GRID1: variants seen among roughly 807,000 people sequenced by gnomAD.
GRID1 encodes the protein glutamate ionotropic receptor delta type subunit 1.
A neutral mutation model predicts 98.0 loss-of-function variants in GRID1; 28 were observed. The observed-to-expected ratio is 0.29, with a 90% CI of 0.21 to 0.39. GRID1 has a LOEUF of 0.39. Ranked by LOEUF, GRID1 falls within the 10% of genes least tolerant of loss-of-function variation. The pLI, the probability that GRID1 is intolerant of heterozygous loss-of-function variation, is 1.00. For missense variants in GRID1, 1,111 were observed against 1,340.5 expected (o/e 0.83, Z 2.67); for synonymous variants, 553 against 538.5 (o/e 1.03, Z -0.37).
intron 4 of GRID1, among the ~76,000 whole-genome samples, chr10:86,116,395 G>A (rs1185454340): frequency 1.3e-5 from 2 of 152,122 alleles, no homozygotes; most frequent in Non-Finnish European, 2.9e-5. Context: ...CAGCAACAAG[G>A]CTGCTCTCTC....
chr10:85,714,353 GACAT>G (rs1430476989), intron 12 of GRID1, among the ~76,000 whole-genome samples: 16 of 151,796 alleles, frequency 1.1e-4, no homozygotes, highest in African/African-American at 3.9e-4. Context: ...AAACCCCCAT[GACAT>G]ACAGTTTATC....
At chr10:85,960,892 G>C (rs938058913) in intron 4 of GRID1, among the ~76,000 whole-genome samples, 2 of 152,026 alleles carry the variant, frequency 1.3e-5, no homozygotes, top group African/African-American at 4.8e-5. Context: ...CTTGTTGCTG[G>C]TGGCTTCAGG....
intron 8 of GRID1, among the ~76,000 whole-genome samples, chr10:85,846,369 C>G (rs1044670691): frequency 6.6e-6 from 1 of 152,084 alleles, no homozygotes. Flanking sequence ...TCCATCTCTA[C>G]TAAAATCAGC....
chr10:86,013,979 G>C (rs1842950188), intron 4 of GRID1, among the ~76,000 whole-genome samples: 1 of 152,236 alleles, frequency 6.6e-6, no homozygotes, highest in East Asian at 1.9e-4. Flanking sequence ...CACAACACTA[G>C]GTGAGCCTTT....
At chr10:85,701,654 T>C (rs1297369627) in intron 12 of GRID1, among the ~76,000 whole-genome samples, 1 of 152,130 alleles carries the variant, frequency 6.6e-6, no homozygotes, top group African/African-American at 2.4e-5. Flanking sequence ...CACCTGTTTA[T>C]GGAAAGAGCT....
chr10:86,252,009 G>A (rs952108995), intron 2 of GRID1, among the ~76,000 whole-genome samples: 1 of 152,198 alleles, frequency 6.6e-6, no homozygotes, highest in Non-Finnish European at 1.5e-5. Flanking sequence ...ACTATCACTT[G>A]CAGAGGTTGG....
At chr10:86,085,429 G>A (rs1049276148) in intron 4 of GRID1, among the ~76,000 whole-genome samples, 1 of 152,186 alleles carries the variant, frequency 6.6e-6, no homozygotes, top group South Asian at 2.1e-4. Context: ...TGGAAAACAG[G>A]CATGAAAGCA....
chr10:86,034,130 T>A (rs985811518), intron 4 of GRID1, among the ~76,000 whole-genome samples: 6 of 152,228 alleles, frequency 3.9e-5, no homozygotes, highest in Non-Finnish European at 7.3e-5. Flanking sequence ...TCGATTTTTT[T>A]AATGAGGTAC....
chr10:85,990,409 G>T (rs1842665967), intron 4 of GRID1, among the ~76,000 whole-genome samples: 1 of 152,188 alleles, frequency 6.6e-6, no homozygotes, highest in South Asian at 2.1e-4. Context: ...AGGCAGGAAT[G>T]ATCTGCCTTC....
chr10:86,122,535 G>C (rs536137269), intron 4 of GRID1, among the ~76,000 whole-genome samples: 2 of 152,342 alleles, frequency 1.3e-5, no homozygotes, highest in East Asian at 3.9e-4. Context: ...TTCCTGCTCA[G>C]CCTCTCCCTG....
At chr10:86,274,536 C>G (rs962174920) in intron 2 of GRID1, among the ~76,000 whole-genome samples, 11 of 152,094 alleles carry the variant, frequency 7.2e-5, no homozygotes, top group African/African-American at 1.2e-4. Flanking sequence ...ATTCTTCCTA[C>G]CCATGAGCAT....
intron 8 of GRID1, among the ~76,000 whole-genome samples, chr10:85,741,561 C>A (rs1049782728): frequency 1.3e-5 from 2 of 152,106 alleles, no homozygotes; most frequent in Admixed American, 6.6e-5. Context: ...AGGGTACCAT[C>A]ATTTTTTGCT....
intron 5 of GRID1, among the ~76,000 whole-genome samples, chr10:85,915,402 CACACCCCTGT>C (rs1196876235): frequency 6.6e-6 from 1 of 151,914 alleles, no homozygotes; most frequent in African/African-American, 2.4e-5. Context: ...TTTGCACATG[CACACCCCTGT>C]ACATACACTC....
intron 4 of GRID1, among the ~76,000 whole-genome samples, chr10:86,071,985 G>A (rs887236803): frequency 6.6e-6 from 1 of 152,216 alleles, no homozygotes; most frequent in Admixed American, 6.5e-5. Flanking sequence ...CAAGAGAGGG[G>A]AGAAGGGGCT....
intron 3 of GRID1, among the ~76,000 whole-genome samples, chr10:86,152,874 A>T (rs913719780): frequency 5.3e-5 from 8 of 152,210 alleles, no homozygotes; most frequent in Non-Finnish European, 1.2e-4. Flanking sequence ...CTGCCTTCAC[A>T]GCTTTCCACT....
At chr10:85,671,100 T>C (rs1841080305) in intron 12 of GRID1, among the ~76,000 whole-genome samples, 1 of 152,194 alleles carries the variant, frequency 6.6e-6, no homozygotes, top group Non-Finnish European at 1.5e-5. Flanking sequence ...TTTTCCTACC[T>C]TTGCCTTGTT....
At chr10:86,299,128 A>G (rs1847641192) in intron 2 of GRID1, among the ~76,000 whole-genome samples, 1 of 151,746 alleles carries the variant, frequency 6.6e-6, no homozygotes, top group Non-Finnish European at 1.5e-5. Context: ...ACATACAACC[A>G]ATCCTGCCTG....
chr10:86,295,944 C>T (rs7478603), intron 2 of GRID1, among the ~76,000 whole-genome samples: 1 of 152,218 alleles, frequency 6.6e-6, no homozygotes, highest in Non-Finnish European at 1.5e-5. Flanking sequence ...TCCATCCCCC[C>T]TACAGACAGT....
At chr10:85,797,696 C>T (rs1842538440) in intron 8 of GRID1, among the ~76,000 whole-genome samples, 1 of 151,770 alleles carries the variant, frequency 6.6e-6, no homozygotes, top group South Asian at 2.1e-4. Context: ...GGTGATCCAC[C>T]CGCCTTGGCC....
Sources: allele counts gnomAD v4.1 joint callset (sites outside exome capture counted in the v4.1 genomes callset), GRCh38; gene constraint gnomAD v4.1.1; transcripts MANE v1.5; gene names NCBI Gene and HGNC (gene_info 2026-07-23, HGNC 2026-07-21).